ZDHHC15: variants seen among roughly 807,000 people sequenced by gnomAD.
ZDHHC15 encodes palmitoyltransferase ZDHHC15.
ZDHHC15 carries 19 observed loss-of-function variants against 31.7 expected under a neutral mutation model. The observed-to-expected ratio is 0.60, with a 90% CI of 0.42 to 0.88. ZDHHC15 has a LOEUF of 0.88. Ranked by LOEUF, ZDHHC15 falls within the 40% of genes least tolerant of loss-of-function variation. The probability of loss-of-function intolerance (pLI) is 0.00; values close to 1 mark genes in which losing one functional copy is unlikely to be tolerated. For missense variants in ZDHHC15, 209 were observed against 251.2 expected (o/e 0.83, Z 1.14); for synonymous variants, 103 against 90.0 (o/e 1.14, Z -0.82).
intron 3 of ZDHHC15, among the ~76,000 whole-genome samples, chrX:75,462,565 AAC>A (rs922894521): frequency 8.9e-6 from 1 of 112,410 alleles, no homozygotes; most frequent in African/African-American, 3.2e-5. Context: ...CTGAAATCAT[AAC>A]AGTCTCTCAG....
At chrX:75,494,069 G>A (rs1020931749) in intron 2 of ZDHHC15, among the ~76,000 whole-genome samples, 1 of 111,349 alleles carries the variant, frequency 9.0e-6, no homozygotes, top group African/African-American at 3.3e-5. Flanking sequence ...TAAACTGATA[G>A]GCAACTTCAG....
chrX:75,443,141 C>G (rs201705951), intron 4 of ZDHHC15, among the ~76,000 whole-genome samples: 1 of 110,349 alleles, frequency 9.1e-6, no homozygotes. Context: ...CCAAAAAAGA[C>G]CCTGCATTGC....
chrX:75,483,847 A>C (rs2084733606), intron 2 of ZDHHC15, among the ~76,000 whole-genome samples: 1 of 111,227 alleles, frequency 9.0e-6, no homozygotes, highest in Non-Finnish European at 1.9e-5. Context: ...ACCCACACAC[A>C]CACAAAGCAG....
At chrX:75,419,954 T>TG (rs1161440429) in intron 9 of ZDHHC15, among the ~76,000 whole-genome samples, 1 of 30,350 alleles carries the variant, frequency 3.3e-5, no homozygotes, top group East Asian at 1.4e-3. Context: ...TGTTGTGGGG[T>TG]GGGGGGAGGG....
Position 75,389,795 on chromosome X carries a change from C to T in ZDHHC15, c.968-10597G>A, listed in dbSNP as rs145665235. Among the ~76,000 whole-genome samples, 361 of 110,960 alleles carry T rather than the reference C, an allele frequency of 3.3e-3. 2 individuals carry two copies. The highest frequency in any genetic ancestry group is 0.012 in the African/African-American group (352 of 30,568). Reference sequence around the variant, plus strand: ...CCCAACATATGCACAGCTATGGTGACGATGAGCAGAGACTCATTCTGCTTG... The same window carrying T: ...CCCAACATATGCACAGCTATGGTGATGATGAGCAGAGACTCATTCTGCTTG... On this transcript the variant is annotated intron_variant, in intron 10 of 11. Transcript: ENST00000373367.
chrX:75,400,205 A>G (rs2083341689), intron 10 of ZDHHC15, among the ~76,000 whole-genome samples: 1 of 111,761 alleles, frequency 8.9e-6, no homozygotes. Flanking sequence ...GGATGGCAAA[A>G]CCCAATCCAA....
Position 75,467,372 on chromosome X carries a change from C to A in ZDHHC15, c.258+11519G>T, listed in dbSNP as rs1290803453. Among the ~76,000 whole-genome samples, 3 of 111,742 alleles carry A rather than the reference C, an allele frequency of 2.7e-5. No homozygotes were observed. The South Asian group carries it at 1.1e-3, about 42-fold the overall frequency. On this transcript the variant is annotated intron_variant, in intron 3 of 11. Transcript: ENST00000373367. ...TGATAAATATCTCATGTCTACTTAA[C>A]AAACTGGCTTTTGTTTGGAATAAGA...
chrX:75,433,417 T>C (rs115514336), intron 4 of ZDHHC15, among the ~76,000 whole-genome samples: 4 of 110,667 alleles, frequency 3.6e-5, no homozygotes, highest in African/African-American at 1.3e-4. Context: ...TGTAGTCTGT[T>C]AACCCTTGCC....
intron 10 of ZDHHC15, among the ~76,000 whole-genome samples, chrX:75,380,309 C>T (rs1417152525): frequency 2.7e-5 from 3 of 112,082 alleles, no homozygotes; most frequent in African/African-American, 9.7e-5. Context: ...AATAAATTTC[C>T]TTGCCTTGCT....
intron 7 of ZDHHC15, 71 bp from the exon 8 acceptor site, chrX:75,424,855 G>T: frequency 3.9e-6 from 4 of 1,036,145 alleles, no homozygotes; most frequent in Non-Finnish European, 3.8e-6. Flanking sequence ...AAATATATAG[G>T]TTAGTAGTTT....
At chrX:75,484,286 G>A (rs2084742012) in intron 2 of ZDHHC15, among the ~76,000 whole-genome samples, 1 of 111,487 alleles carries the variant, frequency 9.0e-6, no homozygotes, top group Non-Finnish European at 1.9e-5. Context: ...TTGTAATTTT[G>A]CTCCATGGGG....
At chrX:75,429,445 C>T (rs1003232355) in intron 6 of ZDHHC15, among the ~76,000 whole-genome samples, 1 of 111,476 alleles carries the variant, frequency 9.0e-6, no homozygotes, top group Non-Finnish European at 1.9e-5. Flanking sequence ...TGGACTGGTT[C>T]GTGACACATC....
chrX:75,486,013 C>T (rs1350682630), intron 2 of ZDHHC15, among the ~76,000 whole-genome samples: 1 of 110,225 alleles, frequency 9.1e-6, no homozygotes, highest in Non-Finnish European at 1.9e-5. Flanking sequence ...TGCCCCAAGA[C>T]CCACTGCAAG....
intron 10 of ZDHHC15, among the ~76,000 whole-genome samples, chrX:75,407,255 A>T (rs6647720): frequency 9.1e-6 from 1 of 109,992 alleles, no homozygotes; most frequent in Middle Eastern, 4.9e-3. Context: ...GTCTCTGCCC[A>T]GCCGCCCCGT....
chrX:75,373,313 G>T (rs2083020500), intron 11 of ZDHHC15, among the ~76,000 whole-genome samples: 1 of 111,141 alleles, frequency 9.0e-6, no homozygotes, highest in Non-Finnish European at 1.9e-5. Flanking sequence ...GAAATAACAA[G>T]AGCTTTGAAA....
intron 3 of ZDHHC15, among the ~76,000 whole-genome samples, chrX:75,474,692 T>C (rs1229352951): frequency 9.3e-6 from 1 of 107,864 alleles, no homozygotes; most frequent in East Asian, 2.9e-4. Context: ...GTCAAGTTAT[T>C]TACCCATTTT....
intron 4 of ZDHHC15, among the ~76,000 whole-genome samples, chrX:75,441,844 C>T (rs951956791): frequency 2.5e-4 from 27 of 109,910 alleles, no homozygotes; most frequent in South Asian, 7.9e-4. Flanking sequence ...AGGATGGTCT[C>T]GATCTCCTGA....
chrX:75,426,448 T>G (rs2083715259), intron 7 of ZDHHC15, among the ~76,000 whole-genome samples: 1 of 110,438 alleles, frequency 9.1e-6, no homozygotes. Flanking sequence ...TTAAACTTTT[T>G]TTTTTTTTTA....
At chrX:75,421,803 G>A in intron 9 of ZDHHC15, 61 bp downstream of exon 9, 3 of 1,155,168 alleles carry the variant, frequency 2.6e-6, no homozygotes, top group South Asian at 4.0e-5. Context: ...AATCAAAATT[G>A]AATTTGCTGG....
Sources: allele counts gnomAD v4.1 joint callset (sites outside exome capture counted in the v4.1 genomes callset), GRCh38; gene constraint gnomAD v4.1.1; transcripts MANE v1.5; gene names NCBI Gene and HGNC (gene_info 2026-07-23, HGNC 2026-07-21).